BTD: variants seen among roughly 807,000 people sequenced by gnomAD.
BTD encodes biotinidase.
A neutral mutation model predicts 17.7 loss-of-function variants in BTD; 13 were observed. That is an observed-to-expected ratio of 0.74 (90% CI 0.48 to 1.17). BTD has a LOEUF of 1.17. Among genes scored for constraint, BTD ranks in the 50% most tolerant of loss-of-function variants. The probability of loss-of-function intolerance (pLI) is 0.00; values close to 1 mark genes in which losing one functional copy is unlikely to be tolerated. For missense variants in BTD, 674 were observed against 650.4 expected (o/e 1.04, Z -0.39); for synonymous variants, 240 against 245.2 (o/e 0.98, Z 0.20).
At chr3:15,644,279 C>A in intron 3 of BTD, 37 bp from the exon 4 acceptor site, 3 of 1,592,770 alleles carry the variant, frequency 1.9e-6, no homozygotes, top group African/African-American at 1.3e-5. Context: ...GGATTACAGG[C>A]AAAAACCTCA....
chr3:15,653,813 G>T (rs2065841916), downstream of BTD, among the ~76,000 whole-genome samples: 1 of 152,226 alleles, frequency 6.6e-6, no homozygotes, highest in South Asian at 2.1e-4. Context: ...AAAATCACGT[G>T]TGAAAGTTAA....
chr3:15,666,845 A>G (rs2066005167), intron 3 of BTD, among the ~76,000 whole-genome samples: 1 of 152,224 alleles, frequency 6.6e-6, no homozygotes, highest in Non-Finnish European at 1.5e-5. Flanking sequence ...CTGATTCTCA[A>G]TGTCCGCACC....
intron 3 of BTD, among the ~76,000 whole-genome samples, chr3:15,704,381 C>T (rs1013168736): frequency 6.6e-6 from 1 of 152,060 alleles, no homozygotes; most frequent in African/African-American, 2.4e-5. Flanking sequence ...ATTATAATTA[C>T]TGTATGTTGG....
chr3:15,715,753 G>A (rs2072932082), downstream of BTD, among the ~76,000 whole-genome samples: 1 of 151,934 alleles, frequency 6.6e-6, no homozygotes, highest in Admixed American at 6.6e-5. Context: ...ACATCTTACT[G>A]GTCTGTTGTA....
At chr3:15,605,358 G>A (rs753172667) in intron 1 of BTD, among the ~76,000 whole-genome samples, 4 of 152,026 alleles carry the variant, frequency 2.6e-5, no homozygotes, top group Non-Finnish European at 5.9e-5. Flanking sequence ...CACAAGAACA[G>A]CATGGGAAAA....
intron 1 of BTD, among the ~76,000 whole-genome samples, chr3:15,623,966 G>A (rs1408524674): frequency 6.6e-6 from 1 of 152,178 alleles, no homozygotes; most frequent in African/African-American, 2.4e-5. Context: ...AGCAGTGTGA[G>A]AATGGACTAA....
chr3:15,612,725 T>C (rs558649719), intron 1 of BTD, among the ~76,000 whole-genome samples: 1 of 152,060 alleles, frequency 6.6e-6, no homozygotes, highest in Non-Finnish European at 1.5e-5. Flanking sequence ...TTGTCTATTG[T>C]TGTATAAAAA....
In BTD at chr3:15,645,035, A is replaced by C. The variant is rs1349486564; in HGVS notation, c.1119A>C (p.Thr373=). The change falls in exon 4 of 4, where the codon ACA becomes ACC. Residue 373 remains threonine, a synonymous_variant. Coordinates refer to ENST00000643237, the MANE Select transcript of BTD (RefSeq NM_001370658.1). ...AGTGGAACGTGAATGCTCCTCCCAC[A>C]TTTCACTCTGAGATGATGTATGACA... The part of the protein sequence containing the change: ...ATKWNVNAPP[T]FHSEMMYDNF... 6.2e-7 allele frequency: 1 copy of C among 1,614,082 alleles called. No homozygotes were observed. Among genetic ancestry groups the C allele is most frequent in the South Asian group, 1.1e-5 (1 of 91,074 alleles).
intron 1 of BTD, among the ~76,000 whole-genome samples, chr3:15,634,412 C>G (rs1417951758): frequency 1.3e-5 from 2 of 152,142 alleles, no homozygotes; most frequent in Admixed American, 6.5e-5. Flanking sequence ...TAAATCTCTG[C>G]CTGAGAGGAC....
chr3:15,603,473 C>CG (rs1225273277), intron 1 of BTD, among the ~76,000 whole-genome samples: 2 of 151,984 alleles, frequency 1.3e-5, no homozygotes, highest in African/African-American at 4.8e-5. Flanking sequence ...CTGGTCAACA[C>CG]GGTGAAACCC....
chr3:15,601,562 G>A (rs1440147017), upstream of BTD: 2 of 1,601,792 alleles, frequency 1.2e-6, no homozygotes, highest in South Asian at 1.1e-5. Context: ...CTCTGGTACT[G>A]CACCTCTGAC....
intron 1 of BTD, among the ~76,000 whole-genome samples, chr3:15,623,957 G>A (rs534361675): frequency 6.6e-6 from 1 of 152,138 alleles, no homozygotes; most frequent in Non-Finnish European, 1.5e-5. Context: ...GTTCTTTATA[G>A]CAGTGTGAGA....
At chr3:15,706,039 AAAAC>A (rs1001236969) in intron 3 of BTD, among the ~76,000 whole-genome samples, 1 of 97,276 alleles carries the variant, frequency 1.0e-5, no homozygotes, top group Non-Finnish European at 2.3e-5. Context: ...AAAACCCACA[AAAAC>A]AAACAAAAAA....
chr3:15,700,622 A>G (rs2070433339), intron 3 of BTD, among the ~76,000 whole-genome samples: 1 of 152,146 alleles, frequency 6.6e-6, no homozygotes. Flanking sequence ...AAGAGTACAA[A>G]AATTAGCTGG....
intron 3 of BTD, among the ~76,000 whole-genome samples, chr3:15,703,422 A>G (rs9853447): frequency 0.041 from 6,273 of 152,180 alleles, 417 homozygotes; most frequent in African/African-American, 0.14. Context: ...GGCCTTTAGG[A>G]GGTGATTAGG....
intron 3 of BTD, chr3:15,676,011 A>G (rs114586253): frequency 0.014 from 22,750 of 1,588,394 alleles, 195 homozygotes; most frequent in Non-Finnish European, 0.017. Context: ...AACATGATAC[A>G]TGTACACATA....
chr3:15,713,509 A>G (rs763633353), downstream of BTD: 5 of 1,597,352 alleles, frequency 3.1e-6, no homozygotes, highest in Non-Finnish European at 3.4e-6. Flanking sequence ...AGTTATCAAC[A>G]CCTCGGTAAG....
chr3:15,618,169 G>T (rs1415672420), intron 1 of BTD, among the ~76,000 whole-genome samples: 2 of 152,104 alleles, frequency 1.3e-5, no homozygotes, highest in African/African-American at 4.8e-5. Flanking sequence ...TCTCTATTTT[G>T]CCCAGGCTGG....
Position 15,648,533 on chromosome 3 carries a change from T to TG in BTD, c.*3049dup, listed in dbSNP as rs1001953264. Among the ~76,000 whole-genome samples, 33 of 152,128 alleles carry TG rather than the reference T, an allele frequency of 2.2e-4. No individual in the cohort carries two copies. Among genetic ancestry groups the TG allele is most frequent in the African/African-American group, 7.7e-4 (32 of 41,412 alleles). ...GACATTGTTAGTTCACCCAGTTCTG[T>TG]GGGGCAGGAAAGCGGGTCTCTCATG... is the stretch of plus-strand genomic sequence containing the variant. On this transcript the variant is annotated 3_prime_UTR_variant, in exon 4 of 4. Coordinates refer to ENST00000643237, the MANE Select transcript of BTD (RefSeq NM_001370658.1).
Sources: gnomAD v4.1 joint callset for allele counts (sites outside exome capture counted in the v4.1 genomes callset) on GRCh38, gnomAD v4.1.1 for gene constraint, MANE v1.5 for transcripts, NCBI Gene and HGNC (gene_info 2026-07-23, HGNC 2026-07-21) for gene names.